EHBP1: variants seen among roughly 807,000 people sequenced by gnomAD.
EHBP1 encodes EH domain binding protein 1.
In EHBP1, 55 loss-of-function variants were observed where a neutral mutation model predicts 144.0. That is an observed-to-expected ratio of 0.38 (90% CI 0.31 to 0.48). The LOEUF (loss-of-function observed/expected upper bound fraction) is 0.48, where lower values mean the gene tolerates loss of function less well. Among genes scored for constraint, EHBP1 ranks in the 20% least tolerant of loss-of-function variants. The pLI, the probability that EHBP1 is intolerant of heterozygous loss-of-function variation, is 0.98. For synonymous variants in EHBP1, 469 were observed against 472.7 expected (o/e 0.99, Z 0.10); for missense variants, 1,200 against 1,364.2 (o/e 0.88, Z 1.90).
chr2:62,894,927 A>AGAGAGAGAGAGAGAGAGAGAGAGAGAGAG (rs71410972), intron 10 of EHBP1, among the ~76,000 whole-genome samples: 1 of 141,110 alleles, frequency 7.1e-6, no homozygotes, highest in East Asian at 2.1e-4. Context: ...AACAGAAAGA[A>AGAGAGAGAGAGAGAGAGAGAGAGAGAGAG]AGAGAGAGAG....
chr2:63,036,190 A>T (rs1400809298), intron 19 of EHBP1, among the ~76,000 whole-genome samples: 1 of 152,060 alleles, frequency 6.6e-6, no homozygotes, highest in Non-Finnish European at 1.5e-5. Context: ...GAAATACTTA[A>T]ATAAATTATG....
At chr2:62,694,966 A>G (rs1321529141) in intron 1 of EHBP1, among the ~76,000 whole-genome samples, 3 of 152,202 alleles carry the variant, frequency 2.0e-5, no homozygotes, top group South Asian at 4.1e-4. Flanking sequence ...AAGAGGGGAA[A>G]TAAGAGAGGA....
intron 5 of EHBP1, among the ~76,000 whole-genome samples, chr2:62,791,062 C>T (rs1376891531): frequency 6.6e-6 from 1 of 151,974 alleles, no homozygotes; most frequent in Non-Finnish European, 1.5e-5. Flanking sequence ...TCTCCTTGCT[C>T]ATTTTCAGAT....
intron 5 of EHBP1, among the ~76,000 whole-genome samples, chr2:62,810,237 GA>G (rs1271837460): frequency 6.6e-6 from 1 of 151,990 alleles, no homozygotes; most frequent in Admixed American, 6.6e-5. Flanking sequence ...TATGTAATCA[GA>G]AAAAAAGTAT....
chr2:62,767,986 G>A (rs574606486), intron 4 of EHBP1, among the ~76,000 whole-genome samples: 5 of 152,148 alleles, frequency 3.3e-5, no homozygotes, highest in Middle Eastern at 3.4e-3. Context: ...TGAGAACAAC[G>A]ATGCAACAGA....
chr2:62,794,766 T>C (rs894159156), intron 5 of EHBP1, among the ~76,000 whole-genome samples: 24 of 152,056 alleles, frequency 1.6e-4, no homozygotes, highest in Non-Finnish European at 2.6e-4. Context: ...AAGCCTATTT[T>C]TGGATAAAGA....
At chr2:62,729,203 T>A (rs1368621931) in intron 2 of EHBP1, among the ~76,000 whole-genome samples, 1 of 147,430 alleles carries the variant, frequency 6.8e-6, no homozygotes, top group Non-Finnish European at 1.5e-5. Flanking sequence ...CTTTTTTTTT[T>A]TCCTCAACAG....
chr2:63,044,926 C>T (rs2061878957), intron 21 of EHBP1, 140 bp from the exon 22 acceptor site: 4 of 635,802 alleles, frequency 6.3e-6, no homozygotes, highest in Non-Finnish European at 1.1e-5. Context: ...AGCCAAACTC[C>T]CCAGAAAACA....
intron 7 of EHBP1, among the ~76,000 whole-genome samples, chr2:62,846,961 T>TA (rs2048338678): frequency 6.6e-6 from 1 of 152,134 alleles, no homozygotes. Context: ...AGGTGTTTTT[T>TA]AAAAATAAAG....
In EHBP1 at chr2:63,045,399, C is replaced by G. The variant is rs1382872200; in HGVS notation, c.3393-11C>G. ...TTTGTTTCCTGTTTGTCCTGTTTGTCTGACATCCAGGGCCGAAGAAGAAGA... is the reference window on the plus strand; with the variant it reads ...TTTGTTTCCTGTTTGTCCTGTTTGTGTGACATCCAGGGCCGAAGAAGAAGA... On this transcript the variant is annotated splice_polypyrimidine_tract_variant and intron_variant, in intron 22 of 22. Transcript: ENST00000431489. The surrounding 1 kb of genome is among the most constrained non-coding windows in gnomAD (Gnocchi z 5.7). The G allele has an allele frequency of 1.2e-6, 2 of 1,613,274 alleles. No homozygotes were observed. Among genetic ancestry groups the G allele is most frequent in the East Asian group, 2.2e-5 (1 of 44,876 alleles).
chr2:62,859,111 A>T (rs1222690404), intron 7 of EHBP1, 58 bp from the exon 8 acceptor site: 3 of 1,465,414 alleles, frequency 2.0e-6, no homozygotes, highest in Non-Finnish European at 2.8e-6. Flanking sequence ...ATATTTCACG[A>T]ATGTTCAATA....
At chr2:62,732,931 A>G (rs2037754904) in intron 2 of EHBP1, among the ~76,000 whole-genome samples, 1 of 152,144 alleles carries the variant, frequency 6.6e-6, no homozygotes, top group South Asian at 2.1e-4. Flanking sequence ...TGATGAGCCT[A>G]TCAAAGGCAT....
intron 5 of EHBP1, 38 bp downstream of exon 5, chr2:62,771,430 C>T (rs2041654139): frequency 2.0e-6 from 3 of 1,507,956 alleles, no homozygotes; most frequent in Non-Finnish European, 2.7e-6. Flanking sequence ...TTCACATTTT[C>T]AACTTTATAT....
At chr2:62,896,166 A>G (rs1455249129) in intron 10 of EHBP1, among the ~76,000 whole-genome samples, 1 of 152,240 alleles carries the variant, frequency 6.6e-6, no homozygotes, top group African/African-American at 2.4e-5. Flanking sequence ...AAATACAATG[A>G]TATTAGATCT....
intron 10 of EHBP1, among the ~76,000 whole-genome samples, chr2:62,897,576 A>G (rs912500752): frequency 1.3e-5 from 2 of 152,158 alleles, no homozygotes; most frequent in Admixed American, 1.3e-4. Flanking sequence ...CTCTTTAGTT[A>G]TGTGTTTCAA....
intron 7 of EHBP1, among the ~76,000 whole-genome samples, chr2:62,843,693 AT>A (rs1409003232): frequency 6.6e-6 from 1 of 152,154 alleles, no homozygotes; most frequent in South Asian, 2.1e-4. Flanking sequence ...TCAGGGATAT[AT>A]TTTTTTAGCA....
chr2:62,722,645 T>C (rs922939245), intron 2 of EHBP1, among the ~76,000 whole-genome samples: 9 of 152,288 alleles, frequency 5.9e-5, no homozygotes, highest in African/African-American at 1.9e-4. Context: ...ACCTCTTTAA[T>C]CTCCTTTAAT....
intron 2 of EHBP1, among the ~76,000 whole-genome samples, chr2:62,714,522 C>G (rs2035476726): frequency 6.6e-6 from 1 of 152,134 alleles, no homozygotes; most frequent in Admixed American, 6.5e-5. Flanking sequence ...TGAATTATCT[C>G]TTGGTACTTC....
In EHBP1 at chr2:62,707,174, G is replaced by A. The variant is rs1304127954; in HGVS notation, c.-18G>A. On this transcript the variant is annotated 5_prime_UTR_variant, in exon 2 of 23. The change creates a new upstream start codon in the 5' untranslated region. Coordinates refer to ENST00000431489, the MANE Select transcript of EHBP1 (RefSeq NM_001142616.3). Reference sequence around the variant, plus strand: ...GTATTGCTAACCCAGAACTGCTCCAGTGTCTTGACTGATCATCATGGCTTC... The same window carrying A: ...GTATTGCTAACCCAGAACTGCTCCAATGTCTTGACTGATCATCATGGCTTC... 6.2e-7 allele frequency: 1 copy of A among 1,607,668 alleles called. No individual in the cohort carries two copies.
Sources: allele counts gnomAD v4.1 joint callset (sites outside exome capture counted in the v4.1 genomes callset), GRCh38; gene constraint gnomAD v4.1.1; non-coding constraint Gnocchi (gnomAD v3.1); transcripts MANE v1.5; gene names NCBI Gene and HGNC (gene_info 2026-07-23, HGNC 2026-07-21).